Variants in TACC3 observed in about 807,000 individuals in gnomAD.
TACC3 encodes transforming acidic coiled-coil containing protein 3.
In TACC3, 52 loss-of-function variants were observed where a neutral mutation model predicts 86.0. The observed-to-expected ratio is 0.60, with a 90% CI of 0.48 to 0.76. The LOEUF is 0.76. TACC3 is among the 30% of genes least tolerant of loss of function. The pLI is 0.00. For missense variants in TACC3, 1,120 were observed against 1,070.4 expected, an observed-to-expected ratio of 1.05 and a Z score of -0.65; for synonymous variants, 512 against 430.0, an observed-to-expected ratio of 1.19 and a Z score of -2.36.
chr4:1,720,767 T>C (rs551401555), upstream of TACC3: 21 of 1,591,366 alleles, frequency 1.3e-5, no homozygotes, highest in East Asian at 3.2e-4. The surrounding 1 kb of genome is among the most constrained non-coding windows in gnomAD (Gnocchi z 4.4). Flanking sequence ...GTGGAACTCG[T>C]TGGGCGTGAA....
chr4:1,727,253 C>T (rs1426707866), intron 3 of TACC3, among the ~76,000 whole-genome samples: 1 of 152,140 alleles, frequency 6.6e-6, no homozygotes, highest in Non-Finnish European at 1.5e-5. Context: ...GGTGTGCTGT[C>T]CCACATCTGA....
At position 1,725,454 on chromosome 4, in the gene TACC3, C is replaced by G. The variant is rs115052927; in HGVS notation, c.305+1584C>G. Among the ~76,000 whole-genome samples the G allele has an allele frequency of 2.2e-3, 336 of 152,252 alleles. 1 individual carries two copies. Among genetic ancestry groups the G allele is most frequent in the African/African-American group, 7.9e-3 (329 of 41,550 alleles). On this transcript the variant is annotated intron_variant, in intron 3 of 15. Transcript: ENST00000313288. ...CTACTTTTCAACTTTGTTTTTTGCC[C>G]CTTTTGAAATTTGGTCAAACGAAGC... is the stretch of plus-strand genomic sequence containing the variant.
At chr4:1,732,044 A>C (rs1718029343) in intron 6 of TACC3, among the ~76,000 whole-genome samples, 2 of 152,350 alleles carry the variant, frequency 1.3e-5, no homozygotes, top group South Asian at 4.1e-4. Context: ...TTTGTCCATA[A>C]GATTGGAGGC....
intron 6 of TACC3, among the ~76,000 whole-genome samples, chr4:1,733,134 G>A (rs1029495792): frequency 3.3e-5 from 5 of 152,262 alleles, no homozygotes; most frequent in African/African-American, 1.2e-4. Context: ...CGGGTGGGAA[G>A]CGGATCTGGT....
In TACC3 at chr4:1,728,401, C is replaced by G; in HGVS notation, c.999C>G (p.Ser333Arg). 6.2e-7 allele frequency: 1 copy of G among 1,613,218 alleles called. No homozygotes were observed. The highest frequency in any genetic ancestry group is 1.1e-5 in the South Asian group (1 of 91,084). ...GCCAAATGGCCAGCTCCTCGAGGAGCGGACCTGTAAAACTAGAATTTGATG... is the reference window on the plus strand; with the variant it reads ...GCCAAATGGCCAGCTCCTCGAGGAGGGGACCTGTAAAACTAGAATTTGATG... ...AAGQMASSSR[S>R]GPVKLEFDVS... is the part of the protein sequence containing the mutation. Residue 333 changes from serine (S) to arginine (R), a missense_variant, in exon 4 of 16, where the codon AGC becomes AGG. Physicochemically the swap from Ser to Arg is moderately radical, Grantham distance 110. Transcript: ENST00000313288.
intron 3 of TACC3, among the ~76,000 whole-genome samples, chr4:1,725,302 C>G (rs1165367270): frequency 6.6e-6 from 1 of 152,058 alleles, no homozygotes; most frequent in Non-Finnish European, 1.5e-5. Flanking sequence ...ACTGATGCTT[C>G]TCACCCCCTG....
At chr4:1,742,953 C>T (rs1372887136) in intron 13 of TACC3, among the ~76,000 whole-genome samples, 1 of 151,910 alleles carries the variant, frequency 6.6e-6, no homozygotes, top group East Asian at 1.9e-4. Context: ...GGCGACAGAG[C>T]GAGACTCTCT....
At chr4:1,744,397 G>A (rs1300775446) in intron 13 of TACC3, 121 bp from the exon 14 acceptor site, 1 of 791,416 alleles carries the variant, frequency 1.3e-6, no homozygotes, top group Non-Finnish European at 2.0e-6. Flanking sequence ...GAAAACGGGA[G>A]CTACTGGCTC....
At chr4:1,741,505 A>G (rs1718599357) in intron 13 of TACC3, 1 of 152,554 alleles carries the variant, frequency 6.6e-6, no homozygotes. Flanking sequence ...GGAAGGAGGG[A>G]TGTCTGGGCC....
chr4:1,730,653 C>T (rs749143294), intron 4 of TACC3: 68 of 664,998 alleles, frequency 1.0e-4, no homozygotes, highest in South Asian at 1.0e-3. Flanking sequence ...AGCTCCCAGC[C>T]TGCTTCTCCC....
At position 1,727,883 on chromosome 4, in the gene TACC3, C is replaced by G. The variant is rs1312130512; in HGVS notation, c.481C>G (p.Pro161Ala). The change falls in exon 4 of 16, where the codon CCA becomes GCA. Residue 161 changes from proline to alanine, a missense_variant. Pro to Ala is a conservative substitution (Grantham distance 27). Coordinates refer to ENST00000313288, the MANE Select transcript of TACC3 (RefSeq NM_006342.3). ...DLDCSSSSQS[P>A]GSSENQMVSP... is the part of the protein sequence containing the mutation. ...GGACTGCTCAAGCTCTTCCCAGAGC[C>G]CAGGAAGTTCTGAGAACCAAATGGT... is the stretch of plus-strand genomic sequence containing the variant. The G allele has an allele frequency of 1.9e-6, 3 of 1,613,720 alleles. No individual in the cohort carries two copies. In the African/African-American group the frequency reaches 4.0e-5, roughly 22 times the overall value.
rs1003042045 is a variant in TACC3, at chr4:1,744,650, T to C, written c.2330+26T>C. ...GTGAGTGCTGGGCGAGGCCCCACCC[T>C]GGAGGGAGAATCTGAGCACCTGGGC... On this transcript the variant is annotated intron_variant, in intron 14 of 15. Transcript: ENST00000313288. The C allele has an allele frequency of 3.1e-6, 5 of 1,612,370 alleles. No individual in the cohort carries two copies. The South Asian group carries it at 4.4e-5, about 14-fold the overall frequency.
chr4:1,737,289 G>A lies in TACC3; in HGVS notation c.1797G>A (p.Lys599=). ...ETPSGRPREA[K]LVEFDFLGAL... ...CCTCAGGACGTCCGCGGGAAGCCAA[G>A]CTTGTGGAGTTCGATTTCTTGGGAG... The change falls in exon 9 of 16, where the codon AAG becomes AAA. Residue 599 remains lysine (K), a synonymous_variant. Transcript: ENST00000313288. 1 of 1,614,180 alleles carries A rather than the reference G, an allele frequency of 6.2e-7. No individual in the cohort carries two copies. The highest frequency in any genetic ancestry group is 8.5e-7 in the Non-Finnish European group (1 of 1,180,034).
chr4:1,743,336 C>T (rs1375505192), intron 13 of TACC3, among the ~76,000 whole-genome samples: 1 of 149,530 alleles, frequency 6.7e-6, no homozygotes, highest in Non-Finnish European at 1.5e-5. Flanking sequence ...GGGTGGATCA[C>T]GAGATCAGGA....
At chr4:1,734,403 G>T (rs1229997637) in intron 6 of TACC3, among the ~76,000 whole-genome samples, 1 of 152,144 alleles carries the variant, frequency 6.6e-6, no homozygotes, top group East Asian at 1.9e-4. Flanking sequence ...GGCCAGGCTG[G>T]CCTCAAACTC....
chr4:1,738,268 A>G, intron 10 of TACC3: 1 of 245,994 alleles, frequency 4.1e-6, no homozygotes, highest in Non-Finnish European at 8.2e-6. Context: ...GTCCCCAGGG[A>G]GGTGCAGACA....
Position 1,730,936 on chromosome 4 carries a change from G to A in TACC3, c.1435G>A (p.Ala479Thr), listed in dbSNP as rs1717977356. ...AEDTPVVQLAAETPTAESKER... is the reference protein window; with the variant it reads ...AEDTPVVQLATETPTAESKER... ...GGACACGCCTGTGGTGCAGTTGGCA[G>A]CCGAGACCCCAACAGCAGAGAGCAA... Residue 479 changes from alanine (A) to threonine (T), a missense_variant, in exon 5 of 16, where the codon GCC becomes ACC. Physicochemically the swap from Ala to Thr is moderately conservative, Grantham distance 58. Transcript: ENST00000313288. 6.2e-7 allele frequency: 1 copy of A among 1,613,354 alleles called. No individual in the cohort carries two copies. The highest frequency in any genetic ancestry group is 8.5e-7 in the Non-Finnish European group (1 of 1,180,050).
At position 1,740,910 on chromosome 4, in the gene TACC3, A is replaced by G; in HGVS notation, c.2147A>G (p.Asn716Ser). 1.9e-6 allele frequency: 3 copies of G among 1,613,200 alleles called. No individual in the cohort carries two copies. Among genetic ancestry groups the G allele is most frequent in the Non-Finnish European group, 2.5e-6 (3 of 1,179,832 alleles). ...KEKDQLTTDLNSMEKSFSDLF... is the reference protein window; with the variant it reads ...KEKDQLTTDLSSMEKSFSDLF... ...AAAGACCAACTTACCACAGATCTGA[A>G]CTCCATGGAGAAGTCCTTCTCCGAC... Residue 716 changes from asparagine to serine, a missense_variant, in exon 13 of 16, where the codon AAC becomes AGC. Coordinates refer to ENST00000313288, the MANE Select transcript of TACC3 (RefSeq NM_006342.3).
At chr4:1,738,511 G>A (rs139939580) in intron 10 of TACC3, among the ~76,000 whole-genome samples, 32 of 152,334 alleles carry the variant, frequency 2.1e-4, no homozygotes, top group African/African-American at 6.3e-4. Context: ...CCGGGGGCAG[G>A]TGGCCCCTGC....
Sources: gnomAD v4.1 joint callset for allele counts (sites outside exome capture counted in the v4.1 genomes callset) on GRCh38, gnomAD v4.1.1 for gene constraint, Gnocchi (gnomAD v3.1) non-coding constraint, MANE v1.5 for transcripts, NCBI Gene and HGNC (gene_info 2026-07-23, HGNC 2026-07-21) for gene names.